DENND5A: variants seen among roughly 807,000 people sequenced by gnomAD.
DENND5A encodes the protein DENN domain containing 5A.
A neutral mutation model predicts 140.3 loss-of-function variants in DENND5A; 64 were observed. The ratio of observed to expected loss-of-function variants is 0.46; its 90% CI spans 0.37 to 0.56. DENND5A has a LOEUF of 0.56. Among genes scored for constraint, DENND5A ranks in the 20% least tolerant of loss-of-function variants. The pLI, the probability that DENND5A is intolerant of heterozygous loss-of-function variation, is 0.00. For missense variants in DENND5A, 1,292 were observed against 1,593.8 expected (o/e 0.81, Z 3.22); for synonymous variants, 605 against 607.7 (o/e 1.00, Z 0.07).
intron 1 of DENND5A, among the ~76,000 whole-genome samples, chr11:9,250,130 C>G (rs1440330485): frequency 6.6e-6 from 1 of 151,748 alleles, no homozygotes; most frequent in Non-Finnish European, 1.5e-5. Context: ...GAAGTCACAG[C>G]CAGCCCCCGA....
Position 9,140,987 on chromosome 11 carries a change from G to A in DENND5A, c.3680+953C>T, listed in dbSNP as rs370324082. Among the ~76,000 whole-genome samples, 9 of 152,100 alleles carry A rather than the reference G, an allele frequency of 5.9e-5. No homozygotes were observed. In the South Asian group the frequency reaches 1.2e-3, roughly 21 times the overall value. ...ACTAACAATACAAAACTAGCCAGGC[G>A]TGATGGCGCATGCCTGTAATCCCAG... On this transcript the variant is annotated intron_variant, in intron 22 of 22. Transcript: ENST00000328194.
At chr11:9,231,081 A>C (rs1428569844) in intron 1 of DENND5A, among the ~76,000 whole-genome samples, 2 of 152,354 alleles carry the variant, frequency 1.3e-5, no homozygotes, top group East Asian at 3.9e-4. Flanking sequence ...CATATGGGAC[A>C]CATTTGTATT....
intron 1 of DENND5A, among the ~76,000 whole-genome samples, chr11:9,252,852 ATTT>A (rs576567620): frequency 1.4e-5 from 2 of 144,064 alleles, no homozygotes; most frequent in Non-Finnish European, 3.0e-5. Context: ...CAGCAACAGG[ATTT>A]TTTTTTTTTT....
Position 9,191,217 on chromosome 11 carries a change from G to GT in DENND5A, c.1137+2276dup, listed in dbSNP as rs145518255. On this transcript the variant is annotated intron_variant, in intron 5 of 22. Transcript: ENST00000328194. ...GAGGGAACTTTTGGGTTTCTTTTCT[G>GT]TTTTTTTTTTGAGGTGGAGTCTCAC... is the stretch of plus-strand genomic sequence containing the variant. Among the ~76,000 whole-genome samples the GT allele has an allele frequency of 1.6e-3, 234 of 148,080 alleles. 1 individual carries two copies. Among genetic ancestry groups the GT allele is most frequent in the African/African-American group, 1.5e-3 (62 of 40,498 alleles).
intron 4 of DENND5A, 29 bp downstream of exon 4, chr11:9,203,631 G>A: frequency 3.2e-6 from 5 of 1,581,460 alleles, no homozygotes; most frequent in Non-Finnish European, 4.3e-6. Flanking sequence ...CCTGAGGCAG[G>A]CAGAAGGCTC....
intron 16 of DENND5A, 57 bp downstream of exon 16, chr11:9,146,973 A>T (rs1847451289): frequency 6.3e-7 from 1 of 1,585,882 alleles, no homozygotes; most frequent in African/African-American, 1.3e-5. Context: ...AGTGAGTCTC[A>T]GGCAGGTTCA....
At chr11:9,218,995 A>C (rs1850207227) in intron 1 of DENND5A, among the ~76,000 whole-genome samples, 1 of 152,194 alleles carries the variant, frequency 6.6e-6, no homozygotes, top group Admixed American at 6.5e-5. Flanking sequence ...AACAAGAATG[A>C]AACTCCATCT....
intron 1 of DENND5A, among the ~76,000 whole-genome samples, chr11:9,262,505 T>C (rs1163804533): frequency 1.3e-5 from 2 of 152,158 alleles, no homozygotes; most frequent in Non-Finnish European, 2.9e-5. Flanking sequence ...TTTAATGTCA[T>C]GAGAAGAGCA....
At chr11:9,140,444 C>T (rs888219605) in intron 22 of DENND5A, among the ~76,000 whole-genome samples, 12 of 152,148 alleles carry the variant, frequency 7.9e-5, no homozygotes, top group Admixed American at 7.9e-4. Flanking sequence ...CCTGAATAAA[C>T]TGCCTTAAGT....
intron 5 of DENND5A, among the ~76,000 whole-genome samples, chr11:9,193,178 C>T (rs537449087): frequency 6.6e-6 from 1 of 152,204 alleles, no homozygotes; most frequent in South Asian, 2.1e-4. Context: ...CAGTAAGCTA[C>T]GATCATGCTA....
chr11:9,198,376 G>T (rs1849404922), intron 4 of DENND5A, among the ~76,000 whole-genome samples: 1 of 151,446 alleles, frequency 6.6e-6, no homozygotes, highest in South Asian at 2.1e-4. Context: ...GCACTTTGAG[G>T]CCGAGGCGGG....
At chr11:9,147,233 G>A (rs182023217) in intron 15 of DENND5A, 82 bp from the exon 16 acceptor site, 4 of 1,431,896 alleles carry the variant, frequency 2.8e-6, no homozygotes, top group African/African-American at 2.8e-5. Flanking sequence ...GAAGGAGACA[G>A]CTAAGGGAAG....
At chr11:9,156,626 C>CAA (rs763078353) in intron 12 of DENND5A, among the ~76,000 whole-genome samples, 4 of 89,818 alleles carry the variant, frequency 4.5e-5, no homozygotes, top group Admixed American at 1.2e-4. Context: ...GACTCCGTCT[C>CAA]AAAAAAAAAA....
At chr11:9,187,520 C>G (rs1208938430) in intron 5 of DENND5A, among the ~76,000 whole-genome samples, 1 of 152,166 alleles carries the variant, frequency 6.6e-6, no homozygotes, top group African/African-American at 2.4e-5. Flanking sequence ...TACCAAAAAA[C>G]AGCCAGCCTG....
At chr11:9,164,142 T>C (rs72857997) in intron 11 of DENND5A, among the ~76,000 whole-genome samples, 19,478 of 118,602 alleles carry the variant, frequency 0.16, 2,173 homozygotes, top group Middle Eastern at 0.29. Flanking sequence ...ATGATCCTCC[T>C]ACCTCAGCCC....
chr11:9,264,152 G>A (rs765520116), intron 1 of DENND5A, among the ~76,000 whole-genome samples: 9 of 152,068 alleles, frequency 5.9e-5, no homozygotes, highest in Non-Finnish European at 1.3e-4. Flanking sequence ...AAATTCACGG[G>A]GACTGTATAA....
intron 5 of DENND5A, among the ~76,000 whole-genome samples, chr11:9,182,065 A>AT (rs1848750063): frequency 6.6e-6 from 1 of 152,220 alleles, no homozygotes; most frequent in Non-Finnish European, 1.5e-5. Flanking sequence ...CATGCCTGTA[A>AT]TCCCAGCACT....
At chr11:9,207,684 A>T (rs1564916040) in intron 1 of DENND5A, 52 bp from the exon 2 acceptor site, 1 of 1,298,138 alleles carries the variant, frequency 7.7e-7, no homozygotes, top group East Asian at 2.3e-5. Flanking sequence ...TGTTATTCAA[A>T]CTTTTTTGAC....
At chr11:9,166,560 G>T (rs192986010) in intron 10 of DENND5A, among the ~76,000 whole-genome samples, 1 of 152,106 alleles carries the variant, frequency 6.6e-6, no homozygotes, top group Admixed American at 6.5e-5. Flanking sequence ...CAGGCAAGGC[G>T]CAGTGGCTCA....
Sources: allele counts gnomAD v4.1 joint callset (sites outside exome capture counted in the v4.1 genomes callset), GRCh38; gene constraint gnomAD v4.1.1; transcripts MANE v1.5; gene names NCBI Gene and HGNC (gene_info 2026-07-23, HGNC 2026-07-21).